Variants in SYNE3 observed in about 807,000 individuals in gnomAD.
The protein encoded by SYNE3 is spectrin repeat containing nuclear envelope family member 3.
SYNE3 carries 100 observed loss-of-function variants against 111.2 expected under a neutral mutation model. That is an observed-to-expected ratio of 0.90 (90% CI 0.77 to 1.06). The LOEUF (loss-of-function observed/expected upper bound fraction) is 1.06. Among genes scored for constraint, SYNE3 ranks in the 50% least tolerant of loss-of-function variants. SYNE3 has a pLI of 0.00. For missense variants in SYNE3, 1,160 were observed against 1,240.3 expected (o/e 0.94, Z 0.97); for synonymous variants, 547 against 533.9 (o/e 1.02, Z -0.34).
intron 1 of SYNE3, among the ~76,000 whole-genome samples, chr14:95,481,625 G>A (rs1889260019): frequency 6.6e-6 from 1 of 152,198 alleles, no homozygotes; most frequent in African/African-American, 2.4e-5. Flanking sequence ...CCTGCCAGAA[G>A]CCAGTATAGG....
chr14:95,442,825 C>T (rs57108097), intron 11 of SYNE3, among the ~76,000 whole-genome samples: 40,259 of 152,124 alleles, frequency 0.26, 5,868 homozygotes, highest in East Asian at 0.47. Context: ...CCGCTTGGCC[C>T]TAATCTCAAT....
chr14:95,438,715 T>G, intron 14 of SYNE3: 1 of 258,686 alleles, frequency 3.9e-6, no homozygotes, highest in Non-Finnish European at 7.5e-6. Context: ...AGCAGGAAGC[T>G]TTCAGCCCCG....
chr14:95,453,179 G>A (rs2139431279), intron 6 of SYNE3, among the ~76,000 whole-genome samples: 1 of 152,282 alleles, frequency 6.6e-6, no homozygotes, highest in Middle Eastern at 3.4e-3. Flanking sequence ...GATAAATGGG[G>A]CCACTCTCAC....
chr14:95,430,376 G>A (rs1049165978), intron 17 of SYNE3, among the ~76,000 whole-genome samples: 3 of 151,874 alleles, frequency 2.0e-5, no homozygotes, highest in African/African-American at 7.3e-5. Flanking sequence ...CTTTCCTGAT[G>A]ATTTTCCCTT....
intron 2 of SYNE3, among the ~76,000 whole-genome samples, chr14:95,468,405 C>T (rs1408866436): frequency 1.3e-5 from 2 of 152,184 alleles, no homozygotes; most frequent in East Asian, 3.9e-4. Context: ...AGGGGGACTG[C>T]GAGGAGCTGG....
Position 95,457,310 on chromosome 14 carries a change from G to T in SYNE3, c.656C>A (p.Ala219Asp). ...TGCCTGGTACTCCTCATGCTCCCGG[G>T]CCACCTGCTCCAGCAGATCTACACG... is the stretch of plus-strand genomic sequence containing the variant. ...QKRVDLLEQV[A>D]REHEEYQAGV... The change falls in exon 5 of 18, where the codon GCC (alanine) becomes GAC (aspartate). Residue 219 changes from alanine to aspartate, a missense_variant. Coordinates refer to ENST00000682763, the MANE Select transcript of SYNE3 (RefSeq NM_152592.6). 6.2e-7 allele frequency: 1 copy of T among 1,606,106 alleles called. No homozygotes were observed. The highest frequency in any genetic ancestry group is 2.2e-5 in the East Asian group (1 of 44,462).
chr14:95,465,689 G>A (rs1196067473), intron 4 of SYNE3, among the ~76,000 whole-genome samples: 1 of 152,120 alleles, frequency 6.6e-6, no homozygotes, highest in Non-Finnish European at 1.5e-5. Context: ...GGGGTGGTGT[G>A]TGGGTGGATA....
rs140033305 is a variant in SYNE3 at position 95,455,172 on chromosome 14, C to T, written c.1137+205G>A. On this transcript the variant is annotated intron_variant, in intron 6 of 17. Coordinates refer to ENST00000682763, the MANE Select transcript of SYNE3 (RefSeq NM_152592.6). Reference sequence around the variant, plus strand: ...TGTTGGGGAAAAAAGTCTCTGTAGGCCCCAGCTTCCTCATCTAGAAAATGG... The same window carrying T: ...TGTTGGGGAAAAAAGTCTCTGTAGGTCCCAGCTTCCTCATCTAGAAAATGG... Among the ~76,000 whole-genome samples, 24 of 152,304 alleles carry T rather than the reference C, an allele frequency of 1.6e-4. 1 individual carries two copies. In the East Asian group the frequency reaches 4.2e-3, roughly 27 times the overall value.
Position 95,439,797 on chromosome 14 carries a change from C to G in SYNE3, c.2074-13G>C, listed in dbSNP as rs114129358. On this transcript the variant is annotated splice_polypyrimidine_tract_variant and intron_variant, in intron 12 of 17. Coordinates refer to ENST00000682763, the MANE Select transcript of SYNE3 (RefSeq NM_152592.6). ...CTGCCACCAGCCTCTAAAGGACACA[C>G]GGACACACAGACACACACACGGTGA... The G allele has an allele frequency of 1.5e-3, 2,342 of 1,607,144 alleles. 31 individuals carry two copies. The African/African-American group carries it at 0.027, about 19-fold the overall frequency.
chr14:95,514,270 G>A (rs1890830618), intron 1 of SYNE3, among the ~76,000 whole-genome samples: 1 of 152,186 alleles, frequency 6.6e-6, no homozygotes, highest in Non-Finnish European at 1.5e-5. Context: ...GCTAGGCGGT[G>A]TAGGACACTG....
At chr14:95,460,501 G>C (rs931254341) in intron 4 of SYNE3, among the ~76,000 whole-genome samples, 3 of 151,794 alleles carry the variant, frequency 2.0e-5, no homozygotes, top group African/African-American at 7.3e-5. Flanking sequence ...GATTACAGGC[G>C]TGAGCCACCA....
chr14:95,483,332 C>T (rs1359486383), intron 1 of SYNE3, among the ~76,000 whole-genome samples: 2 of 152,198 alleles, frequency 1.3e-5, no homozygotes, highest in African/African-American at 4.8e-5. Flanking sequence ...ACAAGCTGAC[C>T]CAGAGTTCTG....
intron 1 of SYNE3, among the ~76,000 whole-genome samples, chr14:95,478,534 C>G (rs190693871): frequency 7.3e-4 from 111 of 152,290 alleles, no homozygotes; most frequent in African/African-American, 2.7e-3. Flanking sequence ...AGCACTGCTT[C>G]CTGTGTCACC....
chr14:95,485,607 T>C lies in SYNE3; in HGVS notation c.-14-9772A>G, dbSNP rs1363545527. 6.6e-6 allele frequency among the ~76,000 whole-genome samples: 1 copy of C among 152,020 alleles called. No homozygotes were observed. Among genetic ancestry groups the C allele is most frequent in the Non-Finnish European group, 1.5e-5 (1 of 67,964 alleles). ...CCAGGAATGCCGAAATGCTCAGCGT[T>C]TTTTTCCCTCTGCCCTCACCAGGCT... On this transcript the variant is annotated intron_variant, in intron 1 of 17. Transcript: ENST00000682763. The surrounding 1 kb of genome is among the most constrained non-coding windows in gnomAD (Gnocchi z 4.3).
chr14:95,410,805 C>A lies in SYNE3; in HGVS notation c.*7021G>T, dbSNP rs183927138. On this transcript the variant is annotated 3_prime_UTR_variant, in exon 18 of 18. Transcript: ENST00000682763. ...GATTTCTCTTCCAGATGCGAGCCCA[C>A]GCGCACAATCCTAGGATACCTAATA... The A allele has an allele frequency of 6.6e-6, 1 of 152,306 alleles. No individual in the cohort carries two copies. Among genetic ancestry groups the A allele is most frequent in the Non-Finnish European group, 1.5e-5 (1 of 68,040 alleles). 9.4% of individuals were successfully genotyped at this position (152,306 alleles called of 1,614,324 possible). A position where few individuals can be genotyped will look rare whatever the true frequency, so the allele number is the denominator to read the frequency against.
chr14:95,458,171 G>A (rs908995842), intron 4 of SYNE3, among the ~76,000 whole-genome samples: 2 of 152,154 alleles, frequency 1.3e-5, no homozygotes, highest in Admixed American at 6.5e-5. Context: ...TCACAGTGCT[G>A]TCTCCCCATA....
At chr14:95,492,848 T>C (rs1193647138) in intron 1 of SYNE3, among the ~76,000 whole-genome samples, 1 of 152,154 alleles carries the variant, frequency 6.6e-6, no homozygotes, top group Non-Finnish European at 1.5e-5. Flanking sequence ...AGAACCTGGC[T>C]CTATTTTTTT....
chr14:95,443,431 A>G lies in SYNE3; in HGVS notation c.1777-142T>C, dbSNP rs1446873488. ...GGTGGGGCTCTTTCATACCAGCGGA[A>G]GTACCAACCACATGGCTGGTCTGAT... On this transcript the variant is annotated intron_variant, in intron 10 of 17. Coordinates refer to ENST00000682763, the MANE Select transcript of SYNE3 (RefSeq NM_152592.6). The G allele has an allele frequency of 7.7e-6, 8 of 1,043,870 alleles. No individual in the cohort carries two copies. The East Asian group carries it at 2.1e-4, about 28-fold the overall frequency. The allele number at this position is 1,043,870 out of a possible 1,614,324, so 64.7% of individuals were successfully genotyped here.
chr14:95,449,724 C>A, intron 8 of SYNE3: 1 of 973,516 alleles, frequency 1.0e-6, no homozygotes, highest in African/African-American at 1.8e-5. Context: ...CCCGGGTTAA[C>A]CCCCAGGAGC....
Sources: allele counts gnomAD v4.1 joint callset (sites outside exome capture counted in the v4.1 genomes callset), GRCh38; gene constraint gnomAD v4.1.1; non-coding constraint Gnocchi (gnomAD v3.1); transcripts MANE v1.5; gene names NCBI Gene and HGNC (gene_info 2026-07-23, HGNC 2026-07-21).